The following KCNH8 variants were observed in gnomAD, a reference collection of about 807,000 sequenced individuals.
KCNH8 encodes voltage-gated delayed rectifier potassium channel KCNH8.
Under a neutral mutation model 103.6 loss-of-function variants are expected in KCNH8, and 70 were observed. The ratio of observed to expected loss-of-function variants is 0.68; its 90% CI spans 0.56 to 0.82. The LOEUF is 0.82. KCNH8 is among the 40% of genes least tolerant of loss of function. The pLI is 0.00. For synonymous variants in KCNH8, 498 were observed against 489.4 expected (o/e 1.02, Z -0.23); for missense variants, 1,217 against 1,329.9 (o/e 0.92, Z 1.32).
At chr3:19,268,425 A>G (rs2064543453) in intron 2 of KCNH8, among the ~76,000 whole-genome samples, 1 of 152,086 alleles carries the variant, frequency 6.6e-6, no homozygotes, top group Non-Finnish European at 1.5e-5. Context: ...TATTTGAGAC[A>G]CGGAGAGAAG....
rs531570082 is a variant in KCNH8 at position 19,498,228 on chromosome 3, C to T, written c.2041-12135C>T. On this transcript the variant is annotated intron_variant, in intron 11 of 15. Coordinates refer to ENST00000328405, the MANE Select transcript of KCNH8 (RefSeq NM_144633.3). ...TGTTACTTTTAAATGGAGCATTTAG[C>T]GCATTTACATTCCAAGTTAACATTT... 2.0e-4 allele frequency among the ~76,000 whole-genome samples: 31 copies of T among 152,256 alleles called. No homozygotes were observed. In the South Asian group the frequency reaches 4.4e-3, roughly 21 times the overall value.
intron 1 of KCNH8, among the ~76,000 whole-genome samples, chr3:19,250,819 A>G (rs1316275682): frequency 6.6e-6 from 1 of 152,216 alleles, no homozygotes; most frequent in Non-Finnish European, 1.5e-5. Flanking sequence ...ACAATATCTT[A>G]GAGCTAGAGA....
chr3:19,438,008 A>G (rs1271440893), intron 7 of KCNH8, among the ~76,000 whole-genome samples, 156 bp from the exon 8 acceptor site: 1 of 152,210 alleles, frequency 6.6e-6, no homozygotes, highest in East Asian at 1.9e-4. Flanking sequence ...CTTTTAAAGA[A>G]TGAAATCTAA....
chr3:19,318,826 A>AT (rs1023965145), intron 3 of KCNH8, among the ~76,000 whole-genome samples: 9 of 151,512 alleles, frequency 5.9e-5, no homozygotes, highest in African/African-American at 2.2e-4. Flanking sequence ...TTACTTTATG[A>AT]TTTTTTTATT....
In KCNH8 at chr3:19,214,133, C is replaced by T. The variant is rs370189045; in HGVS notation, c.77-39521C>T. On this transcript the variant is annotated intron_variant, in intron 1 of 15. Coordinates refer to ENST00000328405, the MANE Select transcript of KCNH8 (RefSeq NM_144633.3). Reference sequence around the variant, plus strand: ...CCAGCAACTCCAGACCACCTCTGGCCTGGCCATACCTATGTAATTCTCTAC... The same window carrying T: ...CCAGCAACTCCAGACCACCTCTGGCTTGGCCATACCTATGTAATTCTCTAC... Among the ~76,000 whole-genome samples, 225 of 152,328 alleles carry T rather than the reference C, an allele frequency of 1.5e-3. 1 individual carries two copies. The highest frequency in any genetic ancestry group is 5.2e-3 in the African/African-American group (216 of 41,584).
intron 7 of KCNH8, among the ~76,000 whole-genome samples, chr3:19,396,758 C>T (rs1297190821): frequency 6.6e-6 from 1 of 151,980 alleles, no homozygotes; most frequent in African/African-American, 2.4e-5. Flanking sequence ...TTGTTTTCTT[C>T]TCCATAACTT....
chr3:19,444,734 A>G (rs1295735869), intron 8 of KCNH8, among the ~76,000 whole-genome samples: 1 of 151,956 alleles, frequency 6.6e-6, no homozygotes, highest in East Asian at 1.9e-4. Flanking sequence ...TAGATGACAA[A>G]CATATACAAA....
chr3:19,518,845 TTCTTG>T (rs1305926531), intron 15 of KCNH8, among the ~76,000 whole-genome samples: 9 of 152,160 alleles, frequency 5.9e-5, no homozygotes, highest in Non-Finnish European at 1.2e-4. Context: ...ATAAGATACT[TTCTTG>T]ATTACTGTCT....
At chr3:19,511,885 G>T (rs1459004989) in intron 12 of KCNH8, among the ~76,000 whole-genome samples, 2 of 151,962 alleles carry the variant, frequency 1.3e-5, no homozygotes, top group African/African-American at 4.8e-5. Flanking sequence ...TGTTAGATCT[G>T]TTATTATACC....
At chr3:19,153,148 T>C (rs1250084357) in intron 1 of KCNH8, among the ~76,000 whole-genome samples, 2 of 152,160 alleles carry the variant, frequency 1.3e-5, no homozygotes, top group Non-Finnish European at 2.9e-5. Context: ...AAAGGACTTA[T>C]CACAGGGGTT....
chr3:19,205,039 A>T lies in KCNH8; in HGVS notation c.77-48615A>T, dbSNP rs1056434946. Among the ~76,000 whole-genome samples, 40 of 152,130 alleles carry T rather than the reference A, an allele frequency of 2.6e-4. 1 individual carries two copies. Among genetic ancestry groups the T allele is most frequent in the Admixed American group, 2.2e-3 (33 of 15,256 alleles). On this transcript the variant is annotated intron_variant, in intron 1 of 15. Transcript: ENST00000328405. ...ACCAAAATAGAGATCAAAAGAATAC[A>T]GTGTTTATGCTGTCTATTCGCTCAT... is the stretch of plus-strand genomic sequence containing the variant.
intron 3 of KCNH8, among the ~76,000 whole-genome samples, chr3:19,321,135 G>A (rs1469251112): frequency 6.6e-6 from 1 of 151,600 alleles, no homozygotes. Flanking sequence ...AAAGAACCAG[G>A]TTTTTGGTTC....
intron 1 of KCNH8, among the ~76,000 whole-genome samples, chr3:19,188,920 G>A (rs2063526603): frequency 6.6e-6 from 1 of 151,730 alleles, no homozygotes; most frequent in South Asian, 2.1e-4. Flanking sequence ...CTGACTGCAG[G>A]CGTGCATCAC....
intron 8 of KCNH8, 91 bp downstream of exon 8, chr3:19,438,452 A>T: frequency 9.7e-7 from 1 of 1,034,778 alleles, no homozygotes; most frequent in Non-Finnish European, 1.4e-6. Flanking sequence ...TACAAAACAG[A>T]TAAACTGATT....
intron 3 of KCNH8, among the ~76,000 whole-genome samples, chr3:19,330,988 C>T (rs937123590): frequency 3.3e-5 from 5 of 151,974 alleles, no homozygotes; most frequent in African/African-American, 7.2e-5. Flanking sequence ...TGCCATCTTC[C>T]CAGAAAGACA....
intron 15 of KCNH8, among the ~76,000 whole-genome samples, 190 bp from the exon 16 acceptor site, chr3:19,533,203 CAA>C (rs201886115): frequency 1.5e-4 from 10 of 64,902 alleles, no homozygotes; most frequent in Admixed American, 4.7e-4. Flanking sequence ...GACTCCGTCT[CAA>C]AAAAAAAAAA....
At chr3:19,280,470 A>G (rs2064741262) in intron 2 of KCNH8, among the ~76,000 whole-genome samples, 2 of 152,062 alleles carry the variant, frequency 1.3e-5, no homozygotes, top group African/African-American at 4.8e-5. Flanking sequence ...TTAACATCAT[A>G]GATTAGTTCT....
chr3:19,151,010 CT>C lies in KCNH8; in HGVS notation c.76+2218del, dbSNP rs201345508. On this transcript the variant is annotated intron_variant, in intron 1 of 15. Coordinates refer to ENST00000328405, the MANE Select transcript of KCNH8 (RefSeq NM_144633.3). The stretch of plus-strand genomic sequence containing the variant: ...GGTTTTCTTTTCTCATTTTCTTTTC[CT>C]TTCTTTTTTTTTTCTTTTTGAATAG... Among the ~76,000 whole-genome samples the C allele has an allele frequency of 7.0e-3, 1,071 of 151,950 alleles. 5 individuals are homozygous for C. The highest frequency in any genetic ancestry group is 9.2e-3 in the Non-Finnish European group (627 of 67,928).
intron 15 of KCNH8, among the ~76,000 whole-genome samples, chr3:19,527,777 ATGT>A (rs1194302792): frequency 1.3e-5 from 2 of 152,026 alleles, no homozygotes; most frequent in Non-Finnish European, 2.9e-5. Context: ...ATGACAGGGG[ATGT>A]TGTTTAACAA....
Sources: allele counts gnomAD v4.1 joint callset (sites outside exome capture counted in the v4.1 genomes callset), GRCh38; gene constraint gnomAD v4.1.1; transcripts MANE v1.5; gene names NCBI Gene and HGNC (gene_info 2026-07-23, HGNC 2026-07-21).